Variants in COL24A1 observed in about 807,000 individuals in gnomAD.
COL24A1 encodes the protein collagen type XXIV alpha 1 chain.
In COL24A1, 224 loss-of-function variants were observed where a neutral mutation model predicts 253.9. That is an observed-to-expected ratio of 0.88 (90% CI 0.79 to 0.99). The LOEUF (loss-of-function observed/expected upper bound fraction) is 0.99. COL24A1 is among the 50% of genes least tolerant of loss of function. COL24A1 has a pLI of 0.00. For synonymous variants in COL24A1, 685 were observed against 673.7 expected (o/e 1.02, Z -0.26); for missense variants, 2,131 against 2,068.5 (o/e 1.03, Z -0.59).
intron 43 of COL24A1, among the ~76,000 whole-genome samples, chr1:85,831,426 C>G (rs1233024158): frequency 6.6e-6 from 1 of 152,078 alleles, no homozygotes; most frequent in African/African-American, 2.4e-5. Flanking sequence ...CCAACTGCCT[C>G]TCCTGGCTTT....
chr1:85,984,314 A>G (rs544444629), intron 20 of COL24A1, among the ~76,000 whole-genome samples: 4 of 151,928 alleles, frequency 2.6e-5, no homozygotes, highest in East Asian at 3.9e-4. Flanking sequence ...ATATTTCTCA[A>G]TTACCCAGGA....
In COL24A1 at chr1:86,046,948, A is replaced by T. The variant is rs1699955028; in HGVS notation, c.1906-79T>A. 4.7e-6 allele frequency: 4 copies of T among 845,066 alleles called. No individual in the cohort carries two copies. In the East Asian group the frequency reaches 9.7e-5, roughly 21 times the overall value. 52.3% of individuals were successfully genotyped at this position (845,066 alleles called of 1,614,324 possible). A position where few individuals can be genotyped will look rare whatever the true frequency, so the allele number is the denominator to read the frequency against. ...TATAGATCTTTTTCTCCCAATATAA[A>T]GCAATAAAGTATGAAAAAGACAAAA... On this transcript the variant is annotated intron_variant, in intron 11 of 59. Transcript: ENST00000370571.
At chr1:86,133,425 G>T (rs183182259) in intron 2 of COL24A1, among the ~76,000 whole-genome samples, 1 of 152,282 alleles carries the variant, frequency 6.6e-6, no homozygotes, top group African/African-American at 2.4e-5. Flanking sequence ...TCCCTGTCTT[G>T]TGCCAGGTTT....
At chr1:86,133,556 T>A (rs1649670401) in intron 2 of COL24A1, among the ~76,000 whole-genome samples, 1 of 152,240 alleles carries the variant, frequency 6.6e-6, no homozygotes, top group Admixed American at 6.5e-5. Flanking sequence ...GTTTTTAGCA[T>A]GAAGCGCTGT....
At chr1:85,736,625 T>G in intron 58 of COL24A1, 1 of 389,626 alleles carries the variant, frequency 2.6e-6, no homozygotes. Context: ...GAGAGGGCGG[T>G]TCAATAAGAA....
At chr1:85,916,218 A>C (rs1460420233) in intron 24 of COL24A1, among the ~76,000 whole-genome samples, 1 of 152,054 alleles carries the variant, frequency 6.6e-6, no homozygotes, top group African/African-American at 2.4e-5. Context: ...ATCCAGATGC[A>C]CTCTTTACTT....
chr1:85,883,827 A>G (rs1159553631), intron 32 of COL24A1: 1 of 152,106 alleles, frequency 6.6e-6, no homozygotes, highest in Non-Finnish European at 1.5e-5. Context: ...ACACTATACC[A>G]CTTCATGAGT....
chr1:85,997,061 A>G (rs879682012), intron 19 of COL24A1, among the ~76,000 whole-genome samples: 15,943 of 91,970 alleles, frequency 0.17, 2,335 homozygotes, highest in East Asian at 0.51. Flanking sequence ...GTGTGTATAT[A>G]TATATATATA....
intron 24 of COL24A1, among the ~76,000 whole-genome samples, chr1:85,946,354 T>C (rs1026447102): frequency 6.6e-6 from 1 of 152,184 alleles, no homozygotes; most frequent in African/African-American, 2.4e-5. Flanking sequence ...ATGCTCTGTA[T>C]GCTTTCACTG....
chr1:85,787,222 G>T (rs1039211974), intron 47 of COL24A1, among the ~76,000 whole-genome samples: 24 of 151,076 alleles, frequency 1.6e-4, no homozygotes, highest in African/African-American at 5.6e-4. Flanking sequence ...TTCATTTTAA[G>T]TTTCCGGGTA....
intron 47 of COL24A1, among the ~76,000 whole-genome samples, chr1:85,804,409 A>G (rs934816065): frequency 6.6e-6 from 1 of 152,182 alleles, no homozygotes; most frequent in African/African-American, 2.4e-5. Flanking sequence ...TAGTCATCCA[A>G]TGGAAATGAG....
At chr1:85,836,036 A>G (rs1344090721) in intron 43 of COL24A1, among the ~76,000 whole-genome samples, 1 of 152,192 alleles carries the variant, frequency 6.6e-6, no homozygotes, top group East Asian at 1.9e-4. Context: ...GACACAGAGA[A>G]TAATCTGAAT....
intron 43 of COL24A1, among the ~76,000 whole-genome samples, chr1:85,823,956 T>C (rs188756600): frequency 9.9e-5 from 15 of 152,260 alleles, no homozygotes; most frequent in Middle Eastern, 3.4e-3. Context: ...TTCTTTCTTT[T>C]TTTTTAATGT....
chr1:85,834,132 A>T (rs1289022208), intron 43 of COL24A1, among the ~76,000 whole-genome samples: 3 of 152,102 alleles, frequency 2.0e-5, no homozygotes, highest in Admixed American at 2.0e-4. Flanking sequence ...TAAAATTTAA[A>T]AAAAAAGTAA....
At chr1:86,081,620 A>G (rs961187151) in intron 7 of COL24A1, among the ~76,000 whole-genome samples, 3 of 152,186 alleles carry the variant, frequency 2.0e-5, no homozygotes, top group Non-Finnish European at 4.4e-5. Context: ...CTGTCTGTAC[A>G]TGATTGAAGA....
chr1:86,084,302 A>G (rs1401383511), intron 7 of COL24A1, among the ~76,000 whole-genome samples: 1 of 152,210 alleles, frequency 6.6e-6, no homozygotes, highest in Non-Finnish European at 1.5e-5. Flanking sequence ...TTATTTTTCT[A>G]AAAAACATTA....
chr1:85,801,699 C>T (rs1671450186), intron 47 of COL24A1, among the ~76,000 whole-genome samples: 1 of 152,336 alleles, frequency 6.6e-6, no homozygotes, highest in East Asian at 1.9e-4. Context: ...ATTCCATCTG[C>T]TTCCTAACAG....
At chr1:86,087,051 T>G (rs1234812350) in intron 7 of COL24A1, among the ~76,000 whole-genome samples, 4 of 152,146 alleles carry the variant, frequency 2.6e-5, no homozygotes, top group African/African-American at 9.7e-5. Context: ...TCTAAATACT[T>G]TCAACTAAAC....
chr1:85,826,833 A>G (rs931438278), intron 43 of COL24A1, among the ~76,000 whole-genome samples: 5 of 152,114 alleles, frequency 3.3e-5, no homozygotes, highest in African/African-American at 9.7e-5. Context: ...GGGCTGAGAC[A>G]ATGGAGTTTT....
Sources: gnomAD v4.1 joint callset for allele counts (sites outside exome capture counted in the v4.1 genomes callset) on GRCh38, gnomAD v4.1.1 for gene constraint, MANE v1.5 for transcripts, NCBI Gene and HGNC (gene_info 2026-07-23, HGNC 2026-07-21) for gene names.